The following CHKB variants were observed in gnomAD, a reference collection of about 807,000 sequenced individuals.
CHKB encodes the protein choline kinase beta.
CHKB carries 45 observed loss-of-function variants against 57.3 expected under a neutral mutation model. The observed-to-expected ratio is 0.79, with a 90% CI of 0.62 to 1.01. The LOEUF (loss-of-function observed/expected upper bound fraction) is 1.01, where lower values mean the gene tolerates loss of function less well. Among genes scored for constraint, CHKB ranks in the 50% least tolerant of loss-of-function variants. The pLI is 0.00. For synonymous variants in CHKB, 224 were observed against 201.8 expected (o/e 1.11, Z -0.93); for missense variants, 517 against 502.8 (o/e 1.03, Z -0.27).
At chr22:50,582,181 T>C (rs2070706142) in intron 2 of CHKB, 68 bp downstream of exon 2, 1 of 1,384,856 alleles carries the variant, frequency 7.2e-7, no homozygotes, top group Non-Finnish European at 1.0e-6. Flanking sequence ...ACGGGAACAA[T>C]ACTACCCGCA....
Position 50,579,840 on chromosome 22 carries a change from A to G in CHKB, c.928-10T>C. Reference sequence around the variant, plus strand: ...GACGAATAAAATGCAACTACGATCAATGGCCAAGAGTCAGGAATTGGGGAG... The same window carrying G: ...GACGAATAAAATGCAACTACGATCAGTGGCCAAGAGTCAGGAATTGGGGAG... On this transcript the variant is annotated splice_polypyrimidine_tract_variant and intron_variant, in intron 8 of 10. Coordinates refer to ENST00000406938, the MANE Select transcript of CHKB (RefSeq NM_005198.5). 1 of 1,612,254 alleles carries G rather than the reference A, an allele frequency of 6.2e-7. No individual in the cohort carries two copies. The highest frequency in any genetic ancestry group is 1.1e-5 in the South Asian group (1 of 91,050).
chr22:50,580,140 C>G (rs1384613332), intron 7 of CHKB, 50 bp downstream of exon 7: 1 of 1,613,388 alleles, frequency 6.2e-7, no homozygotes, highest in Non-Finnish European at 8.5e-7. Context: ...GGCCTGTTTT[C>G]AAGAGCCCTA....
intron 9 of CHKB, 76 bp downstream of exon 9, chr22:50,579,651 G>T (rs1384160211): frequency 1.3e-6 from 2 of 1,511,834 alleles, no homozygotes; most frequent in Non-Finnish European, 9.2e-7. Flanking sequence ...CTTCCCTGCA[G>T]CTTGATAAAT....
rs748494353 is a variant in CHKB, at chr22:50,579,771, C to A, written c.987G>T (p.Glu329Asp). 6.2e-7 allele frequency: 1 copy of A among 1,614,098 alleles called. No homozygotes were observed. The highest frequency in any genetic ancestry group is 1.1e-5 in the South Asian group (1 of 91,084). The change falls in exon 9 of 11, where the codon GAG (glutamate) becomes GAT (aspartate). Residue 329 changes from glutamate to aspartate, a missense_variant. By Grantham distance (45) the Glu-to-Asp change is conservative. Transcript: ENST00000406938. ...AATCTTCTTCCAGTTTTCTCTGCTC[C>A]TCTTGGGAGAGGGTCTCACCTTTCT... ...EAKKGETLSQEEQRKLEEDLL... is the reference protein window; with the variant it reads ...EAKKGETLSQDEQRKLEEDLL...
chr22:50,579,696 G>T, intron 9 of CHKB, 31 bp downstream of exon 9: 2 of 1,578,362 alleles, frequency 1.3e-6, no homozygotes, highest in South Asian at 1.1e-5. Flanking sequence ...CCTCTGCTCT[G>T]CCCTACCCCA....
At chr22:50,582,506 T>C in intron 1 of CHKB, 52 bp downstream of exon 1, 1 of 1,550,902 alleles carries the variant, frequency 6.4e-7, no homozygotes, top group Non-Finnish European at 8.7e-7. Context: ...GCCCCGCGGC[T>C]GACCCCTGAC....
intron 3 of CHKB, 88 bp from the exon 4 acceptor site, chr22:50,581,641 G>C (rs981813967): frequency 2.5e-6 from 4 of 1,596,406 alleles, no homozygotes; most frequent in Non-Finnish European, 3.4e-6. Flanking sequence ...GGGTTTTGGG[G>C]GAAATTCCCT....
Position 50,582,745 on chromosome 22 carries a change from C to A in CHKB, c.37G>T (p.Ala13Ser). Residue 13 changes from alanine to serine, a missense_variant, in exon 1 of 11, where the codon GCT (alanine) becomes TCT (serine). Ala to Ser is a moderately conservative substitution (Grantham distance 99). Coordinates refer to ENST00000406938, the MANE Select transcript of CHKB (RefSeq NM_005198.5). ...TCTTTGGCCAGGCAGCCGCCAACAG[C>A]CCCGCTTCCGGCCACAGCTGTCGCC... ...AEATAVAGSG[A>S]VGGCLAKDGL... 6.3e-7 allele frequency: 1 copy of A among 1,596,614 alleles called. No individual in the cohort carries two copies. The highest frequency in any genetic ancestry group is 1.1e-5 in the South Asian group (1 of 89,134).
intron 1 of CHKB, 38 bp downstream of exon 1, chr22:50,582,520 G>A: frequency 1.3e-6 from 2 of 1,575,760 alleles, no homozygotes; most frequent in Non-Finnish European, 1.7e-6. Context: ...CCCTGACCCC[G>A]ATCCGCGCAC....
intron 10 of CHKB, 56 bp downstream of exon 10, chr22:50,579,370 G>T (rs1048320882): frequency 6.3e-7 from 1 of 1,587,704 alleles, no homozygotes; most frequent in African/African-American, 1.3e-5. Flanking sequence ...GGAAGAGTGT[G>T]GCTGCTGCTG....
intron 2 of CHKB, 62 bp downstream of exon 2, chr22:50,582,187 C>T: frequency 7.1e-7 from 1 of 1,413,522 alleles, no homozygotes. Context: ...ACAATACTAC[C>T]CGCATCGCGT....
chr22:50,582,231 C>G lies in CHKB; in HGVS notation c.333+18G>C. 1.3e-6 allele frequency: 2 copies of G among 1,562,098 alleles called. No individual in the cohort carries two copies. The highest frequency in any genetic ancestry group is 1.7e-6 in the Non-Finnish European group (2 of 1,153,498). The stretch of plus-strand genomic sequence containing the variant: ...GGCCCTAAAGCCACTGGTGCTGCGG[C>G]GCTCACACCCCCCTCACCTGCAAGA... On this transcript the variant is annotated intron_variant, in intron 2 of 10. Coordinates refer to ENST00000406938, the MANE Select transcript of CHKB (RefSeq NM_005198.5).
At position 50,579,311 on chromosome 22, in the gene CHKB, A is replaced by G. The variant is rs943871787; in HGVS notation, c.1114-56T>C. 2.5e-6 allele frequency: 4 copies of G among 1,596,932 alleles called. No homozygotes were observed. In the African/African-American group the frequency reaches 4.0e-5, roughly 16 times the overall value. Reference sequence around the variant, plus strand: ...TGAGAAGACGTGGGACCAGCATTCTACATCCACCTCAGGCTGCCCACAGCC... The same window carrying G: ...TGAGAAGACGTGGGACCAGCATTCTGCATCCACCTCAGGCTGCCCACAGCC... On this transcript the variant is annotated intron_variant, in intron 10 of 10. Coordinates refer to ENST00000406938, the MANE Select transcript of CHKB (RefSeq NM_005198.5).
At position 50,582,602 on chromosome 22, in the gene CHKB, G is replaced by C. The variant is rs772390023; in HGVS notation, c.180C>G (p.Ala60=). 6.2e-7 allele frequency: 1 copy of C among 1,610,956 alleles called. No individual in the cohort carries two copies. The highest frequency in any genetic ancestry group is 8.5e-7 in the Non-Finnish European group (1 of 1,179,218). Reference sequence around the variant, plus strand: ...GCTCCTCGGGCTGCACTCGGCGCCAGGCCCCGCCCAAGTACTCCCGGCACC... The same window carrying C: ...GCTCCTCGGGCTGCACTCGGCGCCACGCCCCGCCCAAGTACTCCCGGCACC... ...YQWCREYLGG[A]WRRVQPEELR... is the part of the protein sequence containing the mutation. Residue 60 remains alanine, a synonymous_variant, in exon 1 of 11, where the codon GCC becomes GCG. Transcript: ENST00000406938.
intron 9 of CHKB, 101 bp from the exon 10 acceptor site, chr22:50,579,608 C>T: frequency 1.3e-6 from 2 of 1,490,614 alleles, no homozygotes; most frequent in Non-Finnish European, 1.9e-6. Context: ...TTAACTTCTC[C>T]CCCACTGTCC....
chr22:50,580,479 TAAC>T (rs2070666508), intron 5 of CHKB, 63 bp from the exon 6 acceptor site: 25 of 1,609,438 alleles, frequency 1.6e-5, no homozygotes, highest in Non-Finnish European at 2.1e-5. Flanking sequence ...AGAGCCACCC[TAAC>T]AGGCCAGGCC....
chr22:50,582,678 C>T lies in CHKB; in HGVS notation c.104G>A (p.Arg35Gln), dbSNP rs889845523. ...ACGCGACAGCGACGAGGCGCGCCGC[C>T]GTTTTGGGGTAGTGTCCGGGCACTT... Reference protein sequence around the residue: ...QSKCPDTTPKRRRASSLSRDA... With the variant: ...QSKCPDTTPKQRRASSLSRDA... The change falls in exon 1 of 11, where the codon CGG becomes CAG. Residue 35 changes from arginine (R) to glutamine (Q), a missense_variant. Arg to Gln is a conservative substitution (Grantham distance 43). Coordinates refer to ENST00000406938, the MANE Select transcript of CHKB (RefSeq NM_005198.5). 1.2e-6 allele frequency: 2 copies of T among 1,610,666 alleles called. No homozygotes were observed. The highest frequency in any genetic ancestry group is 1.3e-5 in the African/African-American group (1 of 74,768).
chr22:50,581,365 T>A, intron 4 of CHKB, 55 bp downstream of exon 4: 60 of 1,606,304 alleles, frequency 3.7e-5, no homozygotes, highest in Non-Finnish European at 5.1e-5. Context: ...ACACATCCGC[T>A]GGCATGGAGG....
rs2146651227 is a variant in CHKB, at chr22:50,579,523, G to T, written c.1032-16C>A. 5 of 1,612,602 alleles carry T rather than the reference G, an allele frequency of 3.1e-6. No homozygotes were observed. The South Asian group carries it at 5.5e-5, about 18-fold the overall frequency. ...CAGAGCATACCTGGGGGGAGGGCAG[G>T]AAAAGGAGGGGCATTCAAGAGCATG... On this transcript the variant is annotated splice_polypyrimidine_tract_variant and intron_variant, in intron 9 of 10. Coordinates refer to ENST00000406938, the MANE Select transcript of CHKB (RefSeq NM_005198.5).
Sources: allele counts gnomAD v4.1 joint callset, GRCh38; gene constraint gnomAD v4.1.1; transcripts MANE v1.5; gene names NCBI Gene and HGNC (gene_info 2026-07-23, HGNC 2026-07-21).